The following ANKRD42 variants were observed in gnomAD, a reference collection of about 807,000 sequenced individuals.
The protein encoded by ANKRD42 is ankyrin repeat domain-containing protein 42.
Under a neutral mutation model 51.5 loss-of-function variants are expected in ANKRD42, and 43 were observed. That is an observed-to-expected ratio of 0.83 (90% CI 0.65 to 1.08). The LOEUF is 1.08. Ranked by LOEUF, ANKRD42 falls within the 50% of genes least tolerant of loss-of-function variation. The pLI is 0.00. For missense variants in ANKRD42, 608 were observed against 629.3 expected (o/e 0.97, Z 0.36); for synonymous variants, 203 against 213.0 (o/e 0.95, Z 0.41).
intron 4 of ANKRD42, 153 bp from the exon 5 acceptor site, chr11:83,211,142 C>A: frequency 1.1e-6 from 1 of 918,060 alleles, no homozygotes; most frequent in Non-Finnish European, 1.7e-6. Flanking sequence ...CTCATATATT[C>A]AAATTAGTGG....
intron 1 of ANKRD42, among the ~76,000 whole-genome samples, chr11:83,197,588 G>C (rs1378554151): frequency 1.3e-5 from 2 of 152,130 alleles, no homozygotes; most frequent in African/African-American, 4.8e-5. Context: ...TTGGTGAGCT[G>C]TTTTCAAAAC....
At chr11:83,220,024 A>AG (rs1862667157) in intron 5 of ANKRD42, among the ~76,000 whole-genome samples, 1 of 152,244 alleles carries the variant, frequency 6.6e-6, no homozygotes, top group South Asian at 2.1e-4. Flanking sequence ...TCTAGCCGGC[A>AG]GACATTAGCA....
At position 83,211,444 on chromosome 11, in the gene ANKRD42, A is replaced by G. The variant is rs1307069794; in HGVS notation, c.586+14A>G. On this transcript the variant is annotated intron_variant, in intron 5 of 10. Transcript: ENST00000533342. ...GAAACCTTCCAGGTATTTTAAATAAAGCAAATATTTTAGTTTTTCATTGAT... is the reference window on the plus strand; with the variant it reads ...GAAACCTTCCAGGTATTTTAAATAAGGCAAATATTTTAGTTTTTCATTGAT... 1 of 1,611,628 alleles carries G rather than the reference A, an allele frequency of 6.2e-7. No individual in the cohort carries two copies. The highest frequency in any genetic ancestry group is 1.3e-5 in the African/African-American group (1 of 74,870).
chr11:83,254,513 C>T (rs1258815976), intron 11 of ANKRD42, among the ~76,000 whole-genome samples: 1 of 149,764 alleles, frequency 6.7e-6, no homozygotes, highest in African/African-American at 2.5e-5. Flanking sequence ...CTCACTGCAG[C>T]CTCTGTCTCC....
At chr11:83,249,034 A>C (rs1352455651), downstream of ANKRD42, 1 of 954,884 alleles carries the variant, frequency 1.0e-6, no homozygotes, top group African/African-American at 1.8e-5. Flanking sequence ...GGGAAAATTT[A>C]GTATCAGAGA....
At chr11:83,219,591 A>G (rs936480350) in intron 5 of ANKRD42, among the ~76,000 whole-genome samples, 9 of 152,172 alleles carry the variant, frequency 5.9e-5, no homozygotes, top group Non-Finnish European at 7.3e-5. Flanking sequence ...CCCCTCTCTC[A>G]AGGCGGTACC....
Position 83,236,447 on chromosome 11 carries a change from A to G in ANKRD42, c.957A>G (p.Lys319=), listed in dbSNP as rs541292378. Residue 319 remains lysine (K), a synonymous_variant, in exon 8 of 11, where the codon AAA becomes AAG. Transcript: ENST00000533342. ...GHIECLQWLI[K]MGADSNITNK... is the part of the protein sequence containing the mutation. Reference sequence around the variant, plus strand: ...TAGAGTGTTTGCAGTGGTTAATTAAAATGGGAGCAGACAGTAATATTACCA... The same window carrying G: ...TAGAGTGTTTGCAGTGGTTAATTAAGATGGGAGCAGACAGTAATATTACCA... 6 of 1,612,354 alleles carry G rather than the reference A, an allele frequency of 3.7e-6. No individual in the cohort carries two copies. Among genetic ancestry groups the G allele is most frequent in the Middle Eastern group, 1.7e-4 (1 of 6,060 alleles).
At chr11:83,209,585 GA>G in intron 3 of ANKRD42, 1 of 916,574 alleles carries the variant, frequency 1.1e-6, no homozygotes, top group South Asian at 1.3e-5. Flanking sequence ...CCATGAACCA[GA>G]ACCTCACATA....
intron 4 of ANKRD42, among the ~76,000 whole-genome samples, chr11:83,210,939 A>G (rs1565181057): frequency 6.6e-6 from 1 of 152,242 alleles, no homozygotes; most frequent in Non-Finnish European, 1.5e-5. Context: ...TTTGAGAAAG[A>G]GTGAAAACTT....
At position 83,248,192 on chromosome 11, in the gene ANKRD42, T is replaced by C. The variant is rs370728412; in HGVS notation, c.1572T>C (p.Tyr524=). The part of the protein sequence containing the change: ...GWGSLDLNPG[Y]SLF ...GCTCTTTGGACTTGAATCCTGGCTA[T>C]AGTCTTTTTTGATTTGGGCTACTCA... Residue 524 remains tyrosine, a synonymous_variant, in exon 11 of 11, where the codon TAT becomes TAC. Coordinates refer to ENST00000533342, the MANE Select transcript of ANKRD42 (RefSeq NM_001300975.2). 90 of 1,503,986 alleles carry C rather than the reference T, an allele frequency of 6.0e-5. No individual in the cohort carries two copies. The East Asian group carries it at 2.0e-3, about 34-fold the overall frequency. The allele number at this position is 1,503,986 out of a possible 1,614,324, so 93.2% of individuals were successfully genotyped here.
chr11:83,213,101 T>C, intron 5 of ANKRD42: 2 of 1,601,192 alleles, frequency 1.2e-6, no homozygotes, highest in Middle Eastern at 1.7e-4. Flanking sequence ...CAAAATTAAG[T>C]GTAACTGGCA....
At chr11:83,212,877 C>A (rs778067706) in intron 5 of ANKRD42, 20 of 1,430,034 alleles carry the variant, frequency 1.4e-5, no homozygotes, top group Non-Finnish European at 1.8e-5. Flanking sequence ...ATTTTGTTCT[C>A]ATTCTTTTTA....
rs183288807 is a variant in ANKRD42, at chr11:83,198,647, G to A, written c.222+5G>A. The A allele has an allele frequency of 7.0e-5, 111 of 1,575,276 alleles. No individual in the cohort carries two copies. In the East Asian group the frequency reaches 2.2e-3, roughly 31 times the overall value. On this transcript the variant is annotated splice_donor_5th_base_variant and intron_variant, in intron 2 of 10. Coordinates refer to ENST00000533342, the MANE Select transcript of ANKRD42 (RefSeq NM_001300975.2). ...GCACATTCTGGAAGTTTGGAGGTAA[G>A]AAACTATACATATCACTAAACTGAG...
At chr11:83,216,984 C>G (rs1862560392) in intron 5 of ANKRD42, among the ~76,000 whole-genome samples, 2 of 152,212 alleles carry the variant, frequency 1.3e-5, no homozygotes, top group South Asian at 4.1e-4. Flanking sequence ...CAGAGGGGAT[C>G]TTTTTAGGCC....
At chr11:83,204,966 G>A (rs1219015347) in intron 2 of ANKRD42, among the ~76,000 whole-genome samples, 2 of 152,048 alleles carry the variant, frequency 1.3e-5, no homozygotes, top group African/African-American at 2.4e-5. Context: ...TGAGATACCT[G>A]TAAGAATAGC....
At chr11:83,209,502 C>A in intron 3 of ANKRD42, 1 of 1,121,928 alleles carries the variant, frequency 8.9e-7, no homozygotes, top group Non-Finnish European at 1.4e-6. Flanking sequence ...GTCCGTAAAA[C>A]CCATTTGATG....
downstream of ANKRD42, among the ~76,000 whole-genome samples, chr11:83,253,775 T>C (rs1021470337): frequency 1.3e-5 from 2 of 152,120 alleles, no homozygotes; most frequent in African/African-American, 4.8e-5. Context: ...ACTTTTAGAA[T>C]TGGGAGATTT....
Position 83,248,318 on chromosome 11 carries a change from C to T in ANKRD42, c.*114C>T, listed in dbSNP as rs1863605389. The T allele has an allele frequency of 1.4e-6, 2 of 1,418,882 alleles. No individual in the cohort carries two copies. The highest frequency in any genetic ancestry group is 1.8e-6 in the Non-Finnish European group (2 of 1,093,222). The allele number at this position is 1,418,882 out of a possible 1,614,324, so 87.9% of individuals were successfully genotyped here. ...GAATACACACACACACACACACACA[C>T]ACACACACACACACACACTCTATAT... On this transcript the variant is annotated 3_prime_UTR_variant, in exon 11 of 11. Coordinates refer to ENST00000533342, the MANE Select transcript of ANKRD42 (RefSeq NM_001300975.2).
At chr11:83,261,647 A>G (rs572991452), downstream of ANKRD42, 5 of 266,572 alleles carry the variant, frequency 1.9e-5, no homozygotes, top group South Asian at 5.8e-4. Flanking sequence ...TCTATTAACT[A>G]TCAAAAGGAC....
Sources: gnomAD v4.1 joint callset for allele counts (sites outside exome capture counted in the v4.1 genomes callset) on GRCh38, gnomAD v4.1.1 for gene constraint, MANE v1.5 for transcripts, NCBI Gene and HGNC (gene_info 2026-07-23, HGNC 2026-07-21) for gene names.